SH3RF3: variants seen among roughly 807,000 people sequenced by gnomAD.
The protein encoded by SH3RF3 is SH3 domain containing ring finger 3, also known as E3 ubiquitin-protein ligase SH3RF3.
In SH3RF3, 29 loss-of-function variants were observed where a neutral mutation model predicts 66.3. The ratio of observed to expected loss-of-function variants is 0.44; its 90% CI spans 0.33 to 0.60. SH3RF3 has a LOEUF of 0.60. SH3RF3 is among the 20% of genes least tolerant of loss of function. The pLI, the probability that SH3RF3 is intolerant of heterozygous loss-of-function variation, is 0.04. For synonymous variants in SH3RF3, 583 were observed against 532.0 expected, an observed-to-expected ratio of 1.10 and a Z score of -1.32; for missense variants, 1,194 against 1,190.9, an observed-to-expected ratio of 1.00 and a Z score of -0.04.
At chr2:109,426,371 T>A (rs1167255001) in intron 5 of SH3RF3, among the ~76,000 whole-genome samples, 3 of 152,070 alleles carry the variant, frequency 2.0e-5, no homozygotes, top group Non-Finnish European at 4.4e-5. Flanking sequence ...TTAACAGGAG[T>A]GTTGAAGAAG....
intron 1 of SH3RF3, among the ~76,000 whole-genome samples, chr2:109,325,331 C>CTTTTTTTTTTTT (rs11298946): frequency 3.8e-4 from 25 of 66,252 alleles, no homozygotes; most frequent in Non-Finnish European, 5.4e-4. Context: ...TTCTTTCTTT[C>CTTTTTTTTTTTT]TTTTTTTTTT....
intron 8 of SH3RF3, among the ~76,000 whole-genome samples, chr2:109,453,163 A>ACC (rs1246413311): frequency 6.6e-6 from 1 of 152,030 alleles, no homozygotes; most frequent in African/African-American, 2.4e-5. Flanking sequence ...CCATTCCTGA[A>ACC]CCAGAGCTCC....
intron 1 of SH3RF3, among the ~76,000 whole-genome samples, chr2:109,181,387 A>T (rs1387010803): frequency 6.6e-6 from 1 of 152,066 alleles, no homozygotes; most frequent in African/African-American, 2.4e-5. Flanking sequence ...CAGTCTTGCC[A>T]CTCACGTCTT....
At chr2:109,347,338 G>T (rs974175863) in intron 1 of SH3RF3, among the ~76,000 whole-genome samples, 4 of 152,108 alleles carry the variant, frequency 2.6e-5, no homozygotes, top group Non-Finnish European at 5.9e-5. Flanking sequence ...TTCCCTCTCT[G>T]TGCCTCAGTG....
chr2:109,473,000 C>T (rs1428335796), intron 8 of SH3RF3, among the ~76,000 whole-genome samples: 1 of 152,200 alleles, frequency 6.6e-6, no homozygotes, highest in East Asian at 1.9e-4. Context: ...GCCTTTCCTA[C>T]CTTAGTGAAA....
chr2:109,489,808 G>A (rs1331859410), intron 8 of SH3RF3, among the ~76,000 whole-genome samples: 1 of 152,182 alleles, frequency 6.6e-6, no homozygotes, highest in African/African-American at 2.4e-5. Context: ...CGCAATCTCA[G>A]CTCACTGCAA....
intron 4 of SH3RF3, among the ~76,000 whole-genome samples, chr2:109,402,766 G>A (rs1473784150): frequency 6.6e-6 from 1 of 152,226 alleles, no homozygotes; most frequent in South Asian, 2.1e-4. Flanking sequence ...CTGGGCCATG[G>A]GGGGCAGAGG....
rs1176644440 is a variant in SH3RF3, at chr2:109,432,723, G to A, written c.1574+52G>A. Reference sequence around the variant, plus strand: ...GCAAGGAGAGGGCAAGGGCCTGCACGCCTTACCGCTGTTGTTACTGCTGGA... The same window carrying A: ...GCAAGGAGAGGGCAAGGGCCTGCACACCTTACCGCTGTTGTTACTGCTGGA... On this transcript the variant is annotated intron_variant, in intron 6 of 9. Coordinates refer to ENST00000309415, the MANE Select transcript of SH3RF3 (RefSeq NM_001099289.3). 1.8e-4 allele frequency: 286 copies of A among 1,562,862 alleles called. 1 individual carries two copies. The highest frequency in any genetic ancestry group is 2.3e-5 in the Non-Finnish European group (26 of 1,155,394).
intron 4 of SH3RF3, among the ~76,000 whole-genome samples, chr2:109,415,923 T>C (rs1676711466): frequency 6.6e-6 from 1 of 152,076 alleles, no homozygotes; most frequent in Admixed American, 6.5e-5. Flanking sequence ...GGCTGAATAA[T>C]CACTCATGGA....
chr2:109,195,076 T>G (rs1558951084), intron 1 of SH3RF3, among the ~76,000 whole-genome samples: 1 of 152,172 alleles, frequency 6.6e-6, no homozygotes, highest in Non-Finnish European at 1.5e-5. Flanking sequence ...ATACCCTGGT[T>G]CTTTGACTGA....
chr2:109,474,942 T>C lies in SH3RF3; in HGVS notation c.2149-15663T>C, dbSNP rs1678641183. Among the ~76,000 whole-genome samples the C allele has an allele frequency of 2.0e-5, 3 of 152,308 alleles. No individual in the cohort carries two copies. The South Asian group carries it at 6.2e-4, about 32-fold the overall frequency. ...CATTAAAATAGCACCTTTCAGTGTT[T>C]TTTGTCTTTTGTTTTGTTTGGGTTT... On this transcript the variant is annotated intron_variant, in intron 8 of 9. Coordinates refer to ENST00000309415, the MANE Select transcript of SH3RF3 (RefSeq NM_001099289.3).
At chr2:109,369,734 G>C (rs1209519802) in intron 2 of SH3RF3, among the ~76,000 whole-genome samples, 1 of 152,158 alleles carries the variant, frequency 6.6e-6, no homozygotes, top group Non-Finnish European at 1.5e-5. Context: ...CACATGGGCT[G>C]TCCAGCTCTG....
At chr2:109,384,386 A>G (rs946039067) in intron 3 of SH3RF3, among the ~76,000 whole-genome samples, 16 of 152,022 alleles carry the variant, frequency 1.1e-4, no homozygotes, top group African/African-American at 3.9e-4. Flanking sequence ...AGCGCTCGGG[A>G]CTTGGCAGGG....
At position 109,487,359 on chromosome 2, in the gene SH3RF3, G is replaced by A. The variant is rs888202087; in HGVS notation, c.2149-3246G>A. On this transcript the variant is annotated intron_variant, in intron 8 of 9. Transcript: ENST00000309415. ...CGACCACCAGGGAAGTGCCTAGACC[G>A]TCTACCTCCATATTCCATGGATTCC... Among the ~76,000 whole-genome samples, 12 of 152,208 alleles carry A rather than the reference G, an allele frequency of 7.9e-5. 1 individual carries two copies. Among genetic ancestry groups the A allele is most frequent in the South Asian group, 2.1e-4 (1 of 4,810 alleles).
At chr2:109,134,113 A>C (rs887806812) in intron 1 of SH3RF3, among the ~76,000 whole-genome samples, 3 of 152,216 alleles carry the variant, frequency 2.0e-5, no homozygotes, top group Admixed American at 6.5e-5. Flanking sequence ...CATGCTGGGC[A>C]CTTTGACATA....
chr2:109,252,105 G>A lies in SH3RF3; in HGVS notation c.574-95569G>A, dbSNP rs1680107740. Among the ~76,000 whole-genome samples, 3 of 151,400 alleles carry A rather than the reference G, an allele frequency of 2.0e-5. 1 individual carries two copies. Among genetic ancestry groups the A allele is most frequent in the African/African-American group, 7.3e-5 (3 of 41,116 alleles). On this transcript the variant is annotated intron_variant, in intron 1 of 9. Coordinates refer to ENST00000309415, the MANE Select transcript of SH3RF3 (RefSeq NM_001099289.3). ...CTACAAAAAATACAAATAGCTGAGT[G>A]GGGTGTCACAGGCCTATAGTCTCAG...
chr2:109,439,904 A>G (rs1677512975), intron 7 of SH3RF3, among the ~76,000 whole-genome samples: 1 of 152,152 alleles, frequency 6.6e-6, no homozygotes. Context: ...AGGTATTAAG[A>G]GAGTGTGGAG....
At chr2:109,258,470 G>A (rs2105282272) in intron 1 of SH3RF3, among the ~76,000 whole-genome samples, 1 of 152,278 alleles carries the variant, frequency 6.6e-6, no homozygotes, top group South Asian at 2.1e-4. Flanking sequence ...CCTCAGCACA[G>A]CCCACACCTA....
At chr2:109,434,204 G>A (rs1028750942) in intron 6 of SH3RF3, among the ~76,000 whole-genome samples, 7 of 152,240 alleles carry the variant, frequency 4.6e-5, no homozygotes, top group Non-Finnish European at 8.8e-5. Flanking sequence ...GGCGCAGCCT[G>A]AGATGGCGGG....
Sources: gnomAD v4.1 joint callset for allele counts (sites outside exome capture counted in the v4.1 genomes callset) on GRCh38, gnomAD v4.1.1 for gene constraint, MANE v1.5 for transcripts, NCBI Gene and HGNC (gene_info 2026-07-23, HGNC 2026-07-21) for gene names.